The following PHLPP1 variants were observed in gnomAD, a reference collection of about 807,000 sequenced individuals.
PHLPP1 encodes PH domain leucine-rich repeat-containing protein phosphatase 1.
In PHLPP1, 42 loss-of-function variants were observed where a neutral mutation model predicts 117.2. The observed-to-expected ratio is 0.36, with a 90% CI of 0.28 to 0.46. The LOEUF (loss-of-function observed/expected upper bound fraction) is 0.46, where lower values mean the gene tolerates loss of function less well. PHLPP1 is among the 20% of genes least tolerant of loss of function. The pLI is 1.00. For synonymous variants in PHLPP1, 1,042 were observed against 970.7 expected, an observed-to-expected ratio of 1.07 and a Z score of -1.37; for missense variants, 2,084 against 2,241.9, an observed-to-expected ratio of 0.93 and a Z score of 1.42.
At chr18:62,897,850 T>C (rs1320064502) in intron 6 of PHLPP1, among the ~76,000 whole-genome samples, 1 of 152,212 alleles carries the variant, frequency 6.6e-6, no homozygotes, top group East Asian at 1.9e-4. Context: ...TGGAGTAATT[T>C]AAGGAGAGTC....
intron 2 of PHLPP1, among the ~76,000 whole-genome samples, chr18:62,834,556 A>T (rs185217801): frequency 1.3e-5 from 2 of 152,302 alleles, no homozygotes; most frequent in South Asian, 2.1e-4. Flanking sequence ...GCTCTGGGAC[A>T]TACACACATC....
At chr18:62,977,441 A>C (rs897135457) in intron 16 of PHLPP1, among the ~76,000 whole-genome samples, 10 of 151,642 alleles carry the variant, frequency 6.6e-5, no homozygotes, top group Non-Finnish European at 1.0e-4. Flanking sequence ...AAAAAAAAAA[A>C]AAAAAAAAAA....
At chr18:62,717,843 TC>T (rs143941011) in intron 1 of PHLPP1, among the ~76,000 whole-genome samples, 68,892 of 151,602 alleles carry the variant, frequency 0.45, 18,589 homozygotes, top group Non-Finnish European at 0.61. Flanking sequence ...CTGATACTTT[TC>T]CCCAGCGCTT....
chr18:62,944,114 T>C (rs1348018849), intron 11 of PHLPP1, among the ~76,000 whole-genome samples: 3 of 152,080 alleles, frequency 2.0e-5, no homozygotes, highest in Non-Finnish European at 4.4e-5. Flanking sequence ...AATGAAACTA[T>C]AACAGGTAGA....
intron 1 of PHLPP1, among the ~76,000 whole-genome samples, chr18:62,808,557 G>GTTTTTTTTTTTTTTGTTTTTTTTTTT (rs553137209): frequency 7.4e-6 from 1 of 135,542 alleles, no homozygotes; most frequent in Non-Finnish European, 1.6e-5. Flanking sequence ...GTTTTTTTTT[G>GTTTTTTTTTTTTTTGTTTTTTTTTTT]TTTTTTTTTT....
chr18:62,920,448 T>C (rs1909426637), intron 10 of PHLPP1, among the ~76,000 whole-genome samples: 1 of 152,226 alleles, frequency 6.6e-6, no homozygotes, highest in African/African-American at 2.4e-5. Context: ...CTTAGCTTAA[T>C]TATCTTATGA....
intron 1 of PHLPP1, among the ~76,000 whole-genome samples, chr18:62,731,836 T>C (rs1355238121): frequency 2.0e-5 from 3 of 152,212 alleles, no homozygotes; most frequent in Non-Finnish European, 2.9e-5. Context: ...GTGGTCTACA[T>C]AGAAGATCAA....
chr18:62,722,245 G>A (rs1033104536), intron 1 of PHLPP1, among the ~76,000 whole-genome samples: 7 of 152,124 alleles, frequency 4.6e-5, no homozygotes, highest in African/African-American at 1.4e-4. Flanking sequence ...AAGGCATCTC[G>A]TACTTAATTT....
chr18:62,906,330 G>T (rs908936269), intron 8 of PHLPP1: 4 of 153,208 alleles, frequency 2.6e-5, no homozygotes, highest in Admixed American at 6.6e-5. Context: ...GAACAGCTCC[G>T]GTCTACAGCT....
At chr18:62,916,799 GC>G (rs1297208392) in intron 9 of PHLPP1, among the ~76,000 whole-genome samples, 1 of 116,604 alleles carries the variant, frequency 8.6e-6, no homozygotes, top group Non-Finnish European at 1.6e-5. Flanking sequence ...TGTTGCCCAG[GC>G]TGCAATGCAG....
intron 1 of PHLPP1, among the ~76,000 whole-genome samples, chr18:62,759,874 T>C (rs537861523): frequency 2.0e-4 from 31 of 152,186 alleles, no homozygotes; most frequent in Non-Finnish European, 4.6e-4. Flanking sequence ...CTTTGGGAAA[T>C]AGAAAACTAA....
intron 12 of PHLPP1, among the ~76,000 whole-genome samples, chr18:62,952,589 A>C (rs888236797): frequency 6.6e-6 from 1 of 152,148 alleles, no homozygotes; most frequent in African/African-American, 2.4e-5. Flanking sequence ...AAGGTGAGGA[A>C]GTTTAAACAT....
chr18:62,888,359 C>T (rs534279102), intron 4 of PHLPP1, among the ~76,000 whole-genome samples: 5 of 142,158 alleles, frequency 3.5e-5, no homozygotes, highest in Non-Finnish European at 7.6e-5. Context: ...TTTTTAAAAC[C>T]AGTCAATTTT....
At position 62,915,021 on chromosome 18, in the gene PHLPP1, G is replaced by T; in HGVS notation, c.2804+13G>T. 1.3e-6 allele frequency: 2 copies of T among 1,550,876 alleles called. No individual in the cohort carries two copies. The highest frequency in any genetic ancestry group is 4.5e-5 in the East Asian group (2 of 44,578). On this transcript the variant is annotated intron_variant, in intron 9 of 16. Coordinates refer to ENST00000262719, the MANE Select transcript of PHLPP1 (RefSeq NM_194449.4). ...AACTTCCTGCCCGGTGAGTATTACA[G>T]ATCAAATGAGAGGATCTCACAATAA...
chr18:62,734,817 A>G (rs1911325615), intron 1 of PHLPP1, among the ~76,000 whole-genome samples: 1 of 152,194 alleles, frequency 6.6e-6, no homozygotes. Flanking sequence ...AGCAATATCA[A>G]CACTTGACAG....
At chr18:62,934,312 G>A (rs1347394080) in intron 10 of PHLPP1, among the ~76,000 whole-genome samples, 1 of 152,104 alleles carries the variant, frequency 6.6e-6, no homozygotes, top group Admixed American at 6.6e-5. Flanking sequence ...CAAAGTCATG[G>A]AATCAACCTA....
Position 62,968,964 on chromosome 18 carries a change from CAAAG to C in PHLPP1, c.3561-3547_3561-3544del, listed in dbSNP as rs541716791. On this transcript the variant is annotated intron_variant, in intron 14 of 16. Coordinates refer to ENST00000262719, the MANE Select transcript of PHLPP1 (RefSeq NM_194449.4). ...GGTTTATCGATTTTATTGATATTCT[CAAAG>C]AACTAGATTTTTTGTTTTACTGATA... 4.2e-4 allele frequency among the ~76,000 whole-genome samples: 64 copies of C among 152,252 alleles called. No homozygotes were observed. In the South Asian group the frequency reaches 0.011, roughly 27 times the overall value.
chr18:62,719,648 A>G (rs1441612416), intron 1 of PHLPP1, among the ~76,000 whole-genome samples: 1 of 152,160 alleles, frequency 6.6e-6, no homozygotes. Context: ...GGGTTTTTGA[A>G]AATTCTGTAC....
At position 62,978,996 on chromosome 18, in the gene PHLPP1, G is replaced by T; in HGVS notation, c.4719G>T (p.Arg1573=). ...TGGAGGTGGACATCCACTGCAGCCGGGCCAAGGAGAAGGAGAAACAGCAGC... is the reference window on the plus strand; with the variant it reads ...TGGAGGTGGACATCCACTGCAGCCGTGCCAAGGAGAAGGAGAAACAGCAGC... The part of the protein sequence containing the change: ...VEVEVDIHCS[R]AKEKEKQQHL... The change falls in exon 17 of 17, where the codon CGG becomes CGT. Residue 1573 remains arginine, a synonymous_variant. Coordinates refer to ENST00000262719, the MANE Select transcript of PHLPP1 (RefSeq NM_194449.4). The surrounding 1 kb of genome is among the most constrained non-coding windows in gnomAD (Gnocchi z 7.0). The T allele has an allele frequency of 4.3e-6, 7 of 1,612,966 alleles. No homozygotes were observed. The highest frequency in any genetic ancestry group is 5.9e-6 in the Non-Finnish European group (7 of 1,179,574).
Sources: gnomAD v4.1 joint callset for allele counts (sites outside exome capture counted in the v4.1 genomes callset) on GRCh38, gnomAD v4.1.1 for gene constraint, Gnocchi (gnomAD v3.1) non-coding constraint, MANE v1.5 for transcripts, NCBI Gene and HGNC (gene_info 2026-07-23, HGNC 2026-07-21) for gene names.